The following SNX29 variants were observed in gnomAD, a reference collection of about 807,000 sequenced individuals.
The protein encoded by SNX29 is sorting nexin 29, also known as sorting nexin-29.
A neutral mutation model predicts 102.1 loss-of-function variants in SNX29; 78 were observed. That is an observed-to-expected ratio of 0.76 (90% CI 0.64 to 0.92). SNX29 has a LOEUF of 0.92. Ranked by LOEUF, SNX29 falls within the 40% of genes least tolerant of loss-of-function variation. The pLI is 0.00. For missense variants in SNX29, 1,280 were observed against 1,061.7 expected (o/e 1.21, Z -2.86); for synonymous variants, 580 against 414.5 (o/e 1.40, Z -4.85).
intron 20 of SNX29, among the ~76,000 whole-genome samples, chr16:12,559,068 A>G (rs1270532288): frequency 2.0e-5 from 3 of 152,152 alleles, no homozygotes; most frequent in South Asian, 4.1e-4. Flanking sequence ...GTAGAGGTCT[A>G]CCGCTGTGTC....
chr16:12,258,346 T>G (rs1046875100), intron 14 of SNX29, among the ~76,000 whole-genome samples: 3 of 152,154 alleles, frequency 2.0e-5, no homozygotes, highest in Non-Finnish European at 4.4e-5. Flanking sequence ...GTCATCGCAC[T>G]TGCCATTCCC....
At chr16:12,113,819 C>T (rs559895694) in intron 11 of SNX29, among the ~76,000 whole-genome samples, 3 of 152,288 alleles carry the variant, frequency 2.0e-5, no homozygotes, top group African/African-American at 7.2e-5. Flanking sequence ...GAACAGATGA[C>T]GAGGACAGCT....
At chr16:12,446,308 G>T (rs1282018638) in intron 18 of SNX29, among the ~76,000 whole-genome samples, 1 of 152,144 alleles carries the variant, frequency 6.6e-6, no homozygotes, top group Non-Finnish European at 1.5e-5. Flanking sequence ...CACCCGCCTT[G>T]GCCTCCCAAA....
At chr16:11,995,226 T>C (rs1325330885) in intron 1 of SNX29, among the ~76,000 whole-genome samples, 1 of 152,092 alleles carries the variant, frequency 6.6e-6, no homozygotes, top group Non-Finnish European at 1.5e-5. Context: ...TCACCACACC[T>C]GGCTAATTTT....
intron 5 of SNX29, among the ~76,000 whole-genome samples, chr16:12,044,367 C>T (rs3851007): frequency 0.37 from 56,669 of 151,828 alleles, 11,113 homozygotes; most frequent in Middle Eastern, 0.45. Flanking sequence ...CACTGGGGCT[C>T]TTAAAAATAC....
rs543054669 is a variant in SNX29, at chr16:12,319,164, G to A, written c.1783-36999G>A. Among the ~76,000 whole-genome samples the A allele has an allele frequency of 9.8e-5, 15 of 152,320 alleles. No homozygotes were observed. In the South Asian group the frequency reaches 2.5e-3, roughly 25 times the overall value. On this transcript the variant is annotated intron_variant, in intron 15 of 20. Transcript: ENST00000566228. ...ACATTCCAGCCCTTGTATAAGGGCA[G>A]TAGCTCTCTCAGCTTTTAATATTTA...
At chr16:12,515,138 C>G (rs1436311592) in intron 19 of SNX29, among the ~76,000 whole-genome samples, 2 of 152,104 alleles carry the variant, frequency 1.3e-5, no homozygotes, top group Non-Finnish European at 2.9e-5. Flanking sequence ...GGAGGGCTCC[C>G]TAACCCCCAT....
At chr16:12,168,743 T>C (rs1395740689) in intron 13 of SNX29, among the ~76,000 whole-genome samples, 2 of 152,332 alleles carry the variant, frequency 1.3e-5, no homozygotes, top group Non-Finnish European at 2.9e-5. Flanking sequence ...CAATAACGTA[T>C]TGAGTTATTA....
chr16:12,324,782 A>G (rs1355680180), intron 15 of SNX29, among the ~76,000 whole-genome samples: 1 of 152,038 alleles, frequency 6.6e-6, no homozygotes, highest in Non-Finnish European at 1.5e-5. Flanking sequence ...GGGCCTCCTG[A>G]CCCAGCAATC....
intron 8 of SNX29, among the ~76,000 whole-genome samples, chr16:12,056,872 G>T (rs2050542311): frequency 6.6e-6 from 1 of 152,060 alleles, no homozygotes; most frequent in African/African-American, 2.4e-5. Context: ...CATCCAGGCT[G>T]GAGTGCAGTG....
chr16:12,164,461 A>G (rs1218701958), intron 13 of SNX29, among the ~76,000 whole-genome samples: 1 of 152,132 alleles, frequency 6.6e-6, no homozygotes, highest in African/African-American at 2.4e-5. Context: ...CAACTGCTAC[A>G]TTTTTGCCCC....
chr16:12,329,604 CA>C (rs1567444289), intron 15 of SNX29, among the ~76,000 whole-genome samples: 3 of 152,294 alleles, frequency 2.0e-5, no homozygotes, highest in African/African-American at 7.2e-5. Context: ...ATTTGTACCC[CA>C]CACAGCCCTA....
intron 13 of SNX29, among the ~76,000 whole-genome samples, chr16:12,183,141 G>A (rs2076429685): frequency 6.6e-6 from 1 of 151,854 alleles, no homozygotes; most frequent in East Asian, 1.9e-4. Context: ...CTGGGAGCAC[G>A]GGCGTGCGCC....
chr16:12,512,065 G>T (rs569078206), intron 19 of SNX29, among the ~76,000 whole-genome samples: 1 of 152,056 alleles, frequency 6.6e-6, no homozygotes, highest in South Asian at 2.1e-4. Context: ...ATGGGATGGG[G>T]GAGAGTCAGG....
intron 19 of SNX29, among the ~76,000 whole-genome samples, chr16:12,503,578 A>G (rs2089228083): frequency 6.6e-6 from 1 of 152,180 alleles, no homozygotes. Flanking sequence ...CGTGAGAGGA[A>G]TTTGATTTCT....
intron 18 of SNX29, among the ~76,000 whole-genome samples, chr16:12,441,967 A>G (rs926656462): frequency 3.3e-5 from 5 of 151,978 alleles, no homozygotes; most frequent in African/African-American, 1.2e-4. Context: ...TTTTGTAGAG[A>G]TGGGGCTTCA....
At chr16:12,193,126 C>T (rs936237023) in intron 13 of SNX29, among the ~76,000 whole-genome samples, 1 of 152,190 alleles carries the variant, frequency 6.6e-6, no homozygotes, top group Non-Finnish European at 1.5e-5. Context: ...TGTGCCACTG[C>T]GCCCAAAACA....
intron 20 of SNX29, among the ~76,000 whole-genome samples, chr16:12,560,595 A>G (rs899526648): frequency 6.6e-6 from 1 of 152,132 alleles, no homozygotes; most frequent in Admixed American, 6.5e-5. Flanking sequence ...TGTACCTCTC[A>G]TAAAGCAGCA....
intron 20 of SNX29, 29 bp from the exon 21 acceptor site, chr16:12,568,477 T>A: frequency 6.2e-7 from 1 of 1,607,314 alleles, no homozygotes; most frequent in South Asian, 1.1e-5. Context: ...ATCCCCAGAC[T>A]TAACCCGATT....
Sources: allele counts gnomAD v4.1 joint callset (sites outside exome capture counted in the v4.1 genomes callset), GRCh38; gene constraint gnomAD v4.1.1; transcripts MANE v1.5; gene names NCBI Gene and HGNC (gene_info 2026-07-23, HGNC 2026-07-21).